CTNNA1: variants seen among roughly 807,000 people sequenced by gnomAD.
CTNNA1 encodes the protein catenin alpha-1.
Under a neutral mutation model 98.4 loss-of-function variants are expected in CTNNA1, and 37 were observed. That is an observed-to-expected ratio of 0.38 (90% CI 0.29 to 0.49). The LOEUF (loss-of-function observed/expected upper bound fraction) is 0.49, where lower values mean the gene tolerates loss of function less well. Among genes scored for constraint, CTNNA1 ranks in the 20% least tolerant of loss-of-function variants. CTNNA1 has a pLI of 0.95. For synonymous variants in CTNNA1, 404 were observed against 413.2 expected, an observed-to-expected ratio of 0.98 and a Z score of 0.27; for missense variants, 761 against 1,147.2, an observed-to-expected ratio of 0.66 and a Z score of 4.86.
At chr5:138,918,521 T>G (rs955067865) in intron 11 of CTNNA1, among the ~76,000 whole-genome samples, 1 of 152,216 alleles carries the variant, frequency 6.6e-6, no homozygotes, top group Non-Finnish European at 1.5e-5. Context: ...TGCCATTTAA[T>G]TATGAACTTG....
chr5:138,904,450 C>A lies in CTNNA1; in HGVS notation c.1389+9C>A. The A allele has an allele frequency of 1.2e-6, 2 of 1,611,810 alleles. No homozygotes were observed. The highest frequency in any genetic ancestry group is 1.7e-6 in the Non-Finnish European group (2 of 1,179,038). ...AAGCCCTCTGTCCTCAGGTAAAGTA[C>A]AACTGACACTGGTGACAGCATAACC... On this transcript the variant is annotated intron_variant, in intron 10 of 17. Coordinates refer to ENST00000302763, the MANE Select transcript of CTNNA1 (RefSeq NM_001903.5).
At chr5:138,771,783 C>T (rs889598704) in intron 1 of CTNNA1, among the ~76,000 whole-genome samples, 1 of 152,144 alleles carries the variant, frequency 6.6e-6, no homozygotes, top group Non-Finnish European at 1.5e-5. Context: ...AGCTGGCATA[C>T]CTGTGACAGC....
At chr5:138,901,316 C>G (rs967440415) in intron 9 of CTNNA1, among the ~76,000 whole-genome samples, 3 of 152,140 alleles carry the variant, frequency 2.0e-5, no homozygotes, top group Non-Finnish European at 4.4e-5. Context: ...TGCCACCACG[C>G]TGGGCCAATT....
chr5:138,810,582 A>G (rs1758579426), intron 4 of CTNNA1, among the ~76,000 whole-genome samples: 1 of 152,184 alleles, frequency 6.6e-6, no homozygotes, highest in African/African-American at 2.4e-5. Context: ...GACACAGCAC[A>G]TGTTTCAGAG....
At chr5:138,905,388 C>T (rs1161292662) in intron 10 of CTNNA1, among the ~76,000 whole-genome samples, 1 of 152,142 alleles carries the variant, frequency 6.6e-6, no homozygotes, top group African/African-American at 2.4e-5. Context: ...TCCTTGAGGG[C>T]CATTTGTGAC....
chr5:138,778,857 C>A (rs1197214042), intron 1 of CTNNA1, among the ~76,000 whole-genome samples: 1 of 151,954 alleles, frequency 6.6e-6, no homozygotes, highest in Middle Eastern at 3.2e-3. Context: ...GGTTGGTAGT[C>A]TTTTATGAGG....
chr5:138,873,117 C>T lies in CTNNA1; in HGVS notation c.1063-13095C>T. 6.2e-7 allele frequency: 1 copy of T among 1,613,924 alleles called. No homozygotes were observed. The highest frequency in any genetic ancestry group is 8.5e-7 in the Non-Finnish European group (1 of 1,179,890). On this transcript the variant is annotated intron_variant, in intron 7 of 17. Transcript: ENST00000302763. This position sits in a 1 kb window ranked among gnomAD's most constrained non-coding sequence, Gnocchi z 6.1. ...GTGGGTTCATATTCATTATACGGTC[C>T]TTGGTCTGACATGTTTGACATATGG...
In CTNNA1 at chr5:138,874,072, A is replaced by G. The variant is rs771654152; in HGVS notation, c.1063-12140A>G. On this transcript the variant is annotated intron_variant, in intron 7 of 17. Coordinates refer to ENST00000302763, the MANE Select transcript of CTNNA1 (RefSeq NM_001903.5). The surrounding 1 kb of genome is among the most constrained non-coding windows in gnomAD (Gnocchi z 4.1). ...TAGTCCGCAGGGAGTTGGAACGTAA[A>G]TGCAAGGTCTGCAGCTTCCGAAGGC... The G allele has an allele frequency of 5.0e-6, 8 of 1,613,938 alleles. No homozygotes were observed. The highest frequency in any genetic ancestry group is 5.9e-6 in the Non-Finnish European group (7 of 1,179,862).
At chr5:138,756,742 G>C (rs1439368585) in intron 1 of CTNNA1, among the ~76,000 whole-genome samples, 2 of 152,202 alleles carry the variant, frequency 1.3e-5, no homozygotes, top group Non-Finnish European at 2.9e-5. Context: ...AGCCATTGTA[G>C]GGAGTTTCAT....
At chr5:138,795,511 C>T (rs1270888709) in intron 3 of CTNNA1, among the ~76,000 whole-genome samples, 1 of 151,832 alleles carries the variant, frequency 6.6e-6, no homozygotes, top group Non-Finnish European at 1.5e-5. Flanking sequence ...ATCCCTTAAT[C>T]AAATCAGATG....
intron 7 of CTNNA1, among the ~76,000 whole-genome samples, chr5:138,840,170 A>G (rs1762155833): frequency 6.6e-6 from 1 of 152,228 alleles, no homozygotes; most frequent in Non-Finnish European, 1.5e-5. Context: ...GAACAAAAGA[A>G]CAGAAAATAA....
chr5:138,787,402 A>G (rs1323669354), intron 3 of CTNNA1, among the ~76,000 whole-genome samples: 5 of 152,132 alleles, frequency 3.3e-5, no homozygotes, highest in African/African-American at 1.2e-4. Context: ...TGGGTGACAG[A>G]GCGAGACTCC....
At position 138,929,371 on chromosome 5, in the gene CTNNA1, C is replaced by T. The variant is rs375564984; in HGVS notation, c.2010+15C>T. On this transcript the variant is annotated intron_variant, in intron 14 of 17. Coordinates refer to ENST00000302763, the MANE Select transcript of CTNNA1 (RefSeq NM_001903.5). ...AGAGTGCCCGGGTAAGGAAGCGCTC[C>T]GTGGGGCAGTTCAGCTTGTGCTGCC... 9.7e-6 allele frequency: 13 copies of T among 1,335,616 alleles called. No homozygotes were observed. The highest frequency in any genetic ancestry group is 4.3e-5 in the African/African-American group (3 of 69,598). 82.7% of individuals were successfully genotyped at this position (1,335,616 alleles called of 1,614,324 possible).
intron 10 of CTNNA1, among the ~76,000 whole-genome samples, chr5:138,908,761 TATC>T (rs777718116): frequency 4.6e-5 from 7 of 152,072 alleles, no homozygotes; most frequent in Non-Finnish European, 1.0e-4. Context: ...GGCGATTTGT[TATC>T]ATTAAGAAAA....
At chr5:138,850,267 T>C (rs1763074027) in intron 7 of CTNNA1, among the ~76,000 whole-genome samples, 1 of 152,070 alleles carries the variant, frequency 6.6e-6, no homozygotes, top group Admixed American at 6.5e-5. Context: ...TCTTAGATAT[T>C]TAATCCTGGA....
intron 3 of CTNNA1, among the ~76,000 whole-genome samples, chr5:138,791,601 G>A (rs1269206367): frequency 1.0e-5 from 1 of 99,648 alleles, no homozygotes; most frequent in Non-Finnish European, 1.8e-5. Context: ...TGGAGACAGA[G>A]CAAGACTCCG....
chr5:138,779,764 G>A (rs1384001713), intron 1 of CTNNA1, among the ~76,000 whole-genome samples: 2 of 149,310 alleles, frequency 1.3e-5, no homozygotes, highest in Non-Finnish European at 3.0e-5. Flanking sequence ...TGCCCAGGCT[G>A]GAGTGCAGTG....
rs1438276263 is a variant in CTNNA1 at position 138,934,460 on chromosome 5, C to T, written c.*371C>T. 9.5e-6 allele frequency: 2 copies of T among 210,532 alleles called. No homozygotes were observed. The highest frequency in any genetic ancestry group is 1.9e-5 in the Non-Finnish European group (2 of 105,396). The allele number at this position is 210,532 out of a possible 1,614,324, so 13.0% of individuals were successfully genotyped here. Reference sequence around the variant, plus strand: ...TGGCTCAACTTCAGTTGAGAGGGTGCAGTCCAGACAGCTTGACTGCTTTTA... The same window carrying T: ...TGGCTCAACTTCAGTTGAGAGGGTGTAGTCCAGACAGCTTGACTGCTTTTA... On this transcript the variant is annotated 3_prime_UTR_variant, in exon 18 of 18. Transcript: ENST00000302763.
At chr5:138,794,930 A>G (rs1236512120) in intron 3 of CTNNA1, among the ~76,000 whole-genome samples, 1 of 152,032 alleles carries the variant, frequency 6.6e-6, no homozygotes, top group Non-Finnish European at 1.5e-5. Context: ...CAGGTAGATC[A>G]CCTGAGGTCA....
Sources: gnomAD v4.1 joint callset for allele counts (sites outside exome capture counted in the v4.1 genomes callset) on GRCh38, gnomAD v4.1.1 for gene constraint, Gnocchi (gnomAD v3.1) non-coding constraint, MANE v1.5 for transcripts, NCBI Gene and HGNC (gene_info 2026-07-23, HGNC 2026-07-21) for gene names.